The following ERICH1 variants were observed in gnomAD, a reference collection of about 807,000 sequenced individuals.
ERICH1 encodes glutamate-rich protein 1.
ERICH1 carries 56 observed loss-of-function variants against 39.6 expected under a neutral mutation model. That is an observed-to-expected ratio of 1.41 (90% CI 1.14 to 1.77). ERICH1 has a LOEUF of 1.77. ERICH1 is among the 40% of genes most tolerant of loss of function. The pLI is 0.00. For synonymous variants in ERICH1, 313 were observed against 223.6 expected, an observed-to-expected ratio of 1.40 and a Z score of -3.57; for missense variants, 826 against 575.4, an observed-to-expected ratio of 1.44 and a Z score of -4.45.
rs139399437 is a variant in ERICH1, at chr8:619,386, A to G, written c.977-4102T>C. Among the ~76,000 whole-genome samples the G allele has an allele frequency of 3.4e-3, 523 of 152,318 alleles. 1 individual carries two copies. The highest frequency in any genetic ancestry group is 0.011 in the African/African-American group (476 of 41,566). ...ATAACATATTTCTTCTTTCTTCTCAACTTATTTTTAAAATGCTTACATAAA... is the reference window on the plus strand; with the variant it reads ...ATAACATATTTCTTCTTTCTTCTCAGCTTATTTTTAAAATGCTTACATAAA... On this transcript the variant is annotated intron_variant, in intron 3 of 3. Coordinates refer to the ERICH1 transcript ENST00000522706.
chr8:615,333 A>G, intron 3 of ERICH1: 1 of 632,654 alleles, frequency 1.6e-6, no homozygotes, highest in Non-Finnish European at 2.8e-6. Flanking sequence ...ATTTTAATAC[A>G]ATGTTTATTG....
At chr8:631,268 C>A (rs1798021613) in intron 3 of ERICH1, among the ~76,000 whole-genome samples, 1 of 152,242 alleles carries the variant, frequency 6.6e-6, no homozygotes, top group African/African-American at 2.4e-5. Flanking sequence ...GGTGCCCAGC[C>A]CCCGTGCCCC....
chr8:685,285 C>T (rs1413667586), intron 3 of ERICH1, among the ~76,000 whole-genome samples: 1 of 152,212 alleles, frequency 6.6e-6, no homozygotes, highest in Non-Finnish European at 1.5e-5. Context: ...CGGCTGTGTC[C>T]TGCCCGGCTC....
chr8:627,777 T>C (rs1215708943), intron 3 of ERICH1, among the ~76,000 whole-genome samples: 1 of 152,166 alleles, frequency 6.6e-6, no homozygotes, highest in Admixed American at 6.5e-5. Context: ...TGCCTTTTCC[T>C]TGGAGAAGCC....
chr8:685,660 T>C (rs1056319906), intron 3 of ERICH1, among the ~76,000 whole-genome samples: 1 of 152,350 alleles, frequency 6.6e-6, no homozygotes, highest in East Asian at 1.9e-4. Context: ...CAATTTATGT[T>C]CTCTGTCACG....
chr8:621,250 T>C (rs1797265625), intron 3 of ERICH1, among the ~76,000 whole-genome samples: 1 of 152,146 alleles, frequency 6.6e-6, no homozygotes, highest in South Asian at 2.1e-4. Context: ...CATGCCAATA[T>C]TTATAGACTG....
At chr8:689,335 T>G (rs543754302) in intron 3 of ERICH1, among the ~76,000 whole-genome samples, 1 of 152,242 alleles carries the variant, frequency 6.6e-6, no homozygotes, top group Non-Finnish European at 1.5e-5. Flanking sequence ...GTTCTCAAAC[T>G]CCTGACCTCA....
intron 2 of ERICH1, among the ~76,000 whole-genome samples, chr8:702,182 C>T (rs2132212877): frequency 6.6e-6 from 1 of 151,966 alleles, no homozygotes; most frequent in Non-Finnish European, 1.5e-5. Flanking sequence ...ACAAGCTCCG[C>T]AGAAACACGG....
At chr8:621,180 A>T (rs1235412211) in intron 3 of ERICH1, among the ~76,000 whole-genome samples, 1 of 71,250 alleles carries the variant, frequency 1.4e-5, no homozygotes, top group Non-Finnish European at 2.3e-5. Flanking sequence ...TAATGGATGA[A>T]AGAAGAAATT....
At chr8:659,994 C>T (rs1360530848), downstream of ERICH1, among the ~76,000 whole-genome samples, 7 of 152,252 alleles carry the variant, frequency 4.6e-5, no homozygotes, top group Admixed American at 4.6e-4. Context: ...GGCCTCAAGC[C>T]CCCCAAGGGA....
chr8:668,526 G>A, intron 5 of ERICH1, 72 bp downstream of exon 5: 1 of 1,545,250 alleles, frequency 6.5e-7, no homozygotes, highest in Non-Finnish European at 8.9e-7. Flanking sequence ...TTGGTGGCGT[G>A]TAAGTCTTTC....
intron 5 of ERICH1, among the ~76,000 whole-genome samples, chr8:665,271 GACCTCTGAGCCCACTGGTCCCCGGCTCCA>G (rs1294739835): frequency 6.6e-6 from 1 of 151,874 alleles, no homozygotes; most frequent in African/African-American, 2.4e-5. Context: ...CCCCGGCTCC[GACCTCTGAGCCCACTGGTCCCCGGCTCCA>G]ACCTCTGAGC....
intron 3 of ERICH1, among the ~76,000 whole-genome samples, chr8:622,123 G>C (rs187286501): frequency 2.3e-3 from 350 of 152,316 alleles, no homozygotes; most frequent in Non-Finnish European, 4.3e-3. Flanking sequence ...TTGGGAGACT[G>C]TGGCAGGAGG....
chr8:639,568 C>T (rs1286913375), intron 3 of ERICH1, among the ~76,000 whole-genome samples: 1 of 151,958 alleles, frequency 6.6e-6, no homozygotes, highest in Non-Finnish European at 1.5e-5. Context: ...GAAGCAGCCG[C>T]CAACCCAGTT....
At chr8:705,539 AG>A (rs1341172810) in intron 2 of ERICH1, among the ~76,000 whole-genome samples, 2 of 152,198 alleles carry the variant, frequency 1.3e-5, no homozygotes, top group African/African-American at 4.8e-5. Flanking sequence ...AACATGATAA[AG>A]GCCACGTATG....
At chr8:702,360 A>G (rs1175956955) in intron 2 of ERICH1, among the ~76,000 whole-genome samples, 1 of 152,186 alleles carries the variant, frequency 6.6e-6, no homozygotes, top group East Asian at 1.9e-4. Flanking sequence ...GTGAGCACAC[A>G]GCGGCACAGC....
intron 1 of ERICH1, among the ~76,000 whole-genome samples, chr8:724,844 G>A (rs992847555): frequency 2.0e-5 from 3 of 152,204 alleles, no homozygotes; most frequent in Non-Finnish European, 4.4e-5. Flanking sequence ...TATCAAAGAT[G>A]TGGAACCCAG....
Position 731,218 on chromosome 8 carries a change from G to C in ERICH1, c.-57C>G, listed in dbSNP as rs1180424610. On this transcript the variant is annotated 5_prime_UTR_variant, in exon 1 of 6. Coordinates refer to ENST00000262109, the MANE Select transcript of ERICH1 (RefSeq NM_207332.3). ...CGCGCGGTCCTGAGCTGAGCGCCGT[G>C]CCTTCCGGGTTCCGCCCTCCTGGGT... 5 of 1,415,600 alleles carry C rather than the reference G, an allele frequency of 3.5e-6. No homozygotes were observed. In the African/African-American group the frequency reaches 4.5e-5, roughly 13 times the overall value. 87.7% of individuals were successfully genotyped at this position (1,415,600 alleles called of 1,614,324 possible). A position where few individuals can be genotyped will look rare whatever the true frequency, so the allele number is the denominator to read the frequency against.
At chr8:718,473 T>G (rs1585650457) in intron 1 of ERICH1, among the ~76,000 whole-genome samples, 2 of 152,354 alleles carry the variant, frequency 1.3e-5, no homozygotes, top group Non-Finnish European at 2.9e-5. Context: ...ACCAACACTG[T>G]TAAATTTCAT....
Sources: allele counts gnomAD v4.1 joint callset (sites outside exome capture counted in the v4.1 genomes callset), GRCh38; gene constraint gnomAD v4.1.1; transcripts MANE v1.5; gene names NCBI Gene and HGNC (gene_info 2026-07-23, HGNC 2026-07-21).